Variants in CRCP observed in about 807,000 individuals in gnomAD.
CRCP encodes DNA-directed RNA polymerase III subunit RPC9.
Under a neutral mutation model 18.5 loss-of-function variants are expected in CRCP, and 18 were observed. That is an observed-to-expected ratio of 0.97 (90% CI 0.67 to 1.44). CRCP has a LOEUF of 1.44. Ranked by LOEUF, CRCP falls within the 40% of genes most tolerant of loss-of-function variation. The pLI is 0.00. For synonymous variants in CRCP, 53 were observed against 62.9 expected (o/e 0.84, Z 0.75); for missense variants, 130 against 176.4 (o/e 0.74, Z 1.49).
chr7:66,145,964 G>A (rs976373797), intron 5 of CRCP, among the ~76,000 whole-genome samples: 2 of 152,214 alleles, frequency 1.3e-5, no homozygotes, highest in Admixed American at 6.5e-5. Flanking sequence ...GGCCTCCCAC[G>A]CCGGAAACCT....
At chr7:66,147,869 G>A (rs1307952903) in intron 5 of CRCP, among the ~76,000 whole-genome samples, 2 of 151,938 alleles carry the variant, frequency 1.3e-5, no homozygotes, top group African/African-American at 4.8e-5. Flanking sequence ...AACCAGCCTG[G>A]GCAACATAGT....
chr7:66,147,343 A>G (rs1290290403), intron 5 of CRCP, among the ~76,000 whole-genome samples: 58 of 21,262 alleles, frequency 2.7e-3, no homozygotes, highest in African/African-American at 0.012. Flanking sequence ...CATCTTGGGA[A>G]AAAAAAAAAA....
Position 66,152,397 on chromosome 7 carries a change from G to C in CRCP, c.*40G>C. On this transcript the variant is annotated 3_prime_UTR_variant, in exon 6 of 6. Transcript: ENST00000395326. ...CCCCGGCGTTTCATGAAGTCAGAAG[G>C]CCTGGCAGCCATTTCCTGGACGTTG... The C allele has an allele frequency of 6.2e-7, 1 of 1,608,164 alleles. No individual in the cohort carries two copies. Among genetic ancestry groups the C allele is most frequent in the African/African-American group, 1.3e-5 (1 of 74,888 alleles).
At chr7:66,117,335 A>C (rs1365805743) in intron 1 of CRCP, among the ~76,000 whole-genome samples, 3 of 151,978 alleles carry the variant, frequency 2.0e-5, no homozygotes, top group African/African-American at 7.3e-5. Flanking sequence ...TTGATGTCTA[A>C]GTGTTGAGTG....
intron 3 of CRCP, among the ~76,000 whole-genome samples, chr7:66,133,613 G>A (rs902297949): frequency 3.3e-5 from 5 of 149,788 alleles, no homozygotes; most frequent in Non-Finnish European, 5.9e-5. Flanking sequence ...TATCCATGTA[G>A]ACTCATGGCA....
rs773297110 is a variant in CRCP, at chr7:66,118,403, A to G, written c.8+3433A>G. Among the ~76,000 whole-genome samples, 5 of 152,246 alleles carry G rather than the reference A, an allele frequency of 3.3e-5. 1 individual carries two copies. In the East Asian group the frequency reaches 7.7e-4, roughly 23 times the overall value. On this transcript the variant is annotated intron_variant, in intron 1 of 5. Coordinates refer to ENST00000395326, the MANE Select transcript of CRCP (RefSeq NM_014478.5). The stretch of plus-strand genomic sequence containing the variant: ...TTCCCTCAAATAATTACAAGTTGCA[A>G]TAATAAATGTATGTTTACTTGTTTG...
At chr7:66,141,253 A>G (rs1311945564) in intron 4 of CRCP, among the ~76,000 whole-genome samples, 1 of 152,100 alleles carries the variant, frequency 6.6e-6, no homozygotes, top group Non-Finnish European at 1.5e-5. Context: ...TTATTTTTAA[A>G]TGTACAATTA....
chr7:66,140,252 A>G (rs753175211), intron 4 of CRCP, among the ~76,000 whole-genome samples: 1 of 152,208 alleles, frequency 6.6e-6, no homozygotes, highest in Non-Finnish European at 1.5e-5. Context: ...GAAAAGGGGA[A>G]AAAGCCCCAA....
chr7:66,140,716 G>A (rs1042750642), intron 4 of CRCP, among the ~76,000 whole-genome samples: 1 of 152,180 alleles, frequency 6.6e-6, no homozygotes, highest in East Asian at 1.9e-4. Flanking sequence ...ACTGTAATCT[G>A]TGGAGAGAGA....
chr7:66,145,645 A>G, intron 5 of CRCP, 145 bp downstream of exon 5: 1 of 781,962 alleles, frequency 1.3e-6, no homozygotes. Flanking sequence ...TGCCAGTTTG[A>G]TCCTAGTTAG....
chr7:66,123,519 C>T (rs949117039), intron 1 of CRCP, among the ~76,000 whole-genome samples: 1 of 151,974 alleles, frequency 6.6e-6, no homozygotes, highest in Non-Finnish European at 1.5e-5. Flanking sequence ...GAGGGCAAAG[C>T]GGTCAGATCA....
intron 4 of CRCP, among the ~76,000 whole-genome samples, chr7:66,138,356 T>A (rs1047855411): frequency 2.6e-5 from 4 of 151,776 alleles, no homozygotes; most frequent in Non-Finnish European, 5.9e-5. Flanking sequence ...TTGGGCATCA[T>A]TGTGAGACTC....
chr7:66,130,603 C>T lies in CRCP; in HGVS notation c.46-141C>T, dbSNP rs528304853. On this transcript the variant is annotated intron_variant, in intron 2 of 5. Transcript: ENST00000395326. ...TATGCCTCTGGGACTCATATTTGCT[C>T]AAATCCAAGAGTTGGAAGCTGGGTG... 26 of 512,084 alleles carry T rather than the reference C, an allele frequency of 5.1e-5. No homozygotes were observed. In the South Asian group the frequency reaches 6.0e-4, roughly 12 times the overall value. The allele number at this position is 512,084 out of a possible 1,614,324, so 31.7% of individuals were successfully genotyped here.
In CRCP at chr7:66,152,612, T is replaced by A; in HGVS notation, c.*255T>A. On this transcript the variant is annotated 3_prime_UTR_variant, in exon 6 of 6. Transcript: ENST00000395326. ...CAGTGACCGCGGACCCCTCTGTGCTTGAAAGATTTCCTCCACGGCCTTTGC... is the reference window on the plus strand; with the variant it reads ...CAGTGACCGCGGACCCCTCTGTGCTAGAAAGATTTCCTCCACGGCCTTTGC... 5.8e-5 allele frequency: 25 copies of A among 430,500 alleles called. No individual in the cohort carries two copies. The highest frequency in any genetic ancestry group is 5.8e-4 in the South Asian group (24 of 41,348). The allele number at this position is 430,500 out of a possible 1,614,324, so 26.7% of individuals were successfully genotyped here. A position where few individuals can be genotyped will look rare whatever the true frequency, so the allele number is the denominator to read the frequency against.
chr7:66,124,039 C>T (rs1480363270), intron 1 of CRCP, among the ~76,000 whole-genome samples: 1 of 71,000 alleles, frequency 1.4e-5, no homozygotes, highest in African/African-American at 6.2e-5. Context: ...AGTGAGACTC[C>T]GTCTCAAAAA....
At chr7:66,130,137 G>A (rs189006269) in intron 2 of CRCP, 7 of 235,518 alleles carry the variant, frequency 3.0e-5, no homozygotes, top group Non-Finnish European at 4.5e-5. Flanking sequence ...ATGGAGTCTC[G>A]CTCTGTCACC....
Position 66,130,752 on chromosome 7 carries a change from G to A in CRCP, c.54G>A (p.Gln18=), listed in dbSNP as rs759180557. The A allele has an allele frequency of 6.2e-7, 1 of 1,602,144 alleles. No individual in the cohort carries two copies. Among genetic ancestry groups the A allele is most frequent in the Admixed American group, 1.7e-5 (1 of 59,798 alleles). ...TTTGTATCTCCTCCTAGGTATTTCA[G>A]TTACTAACTGATCTGAAAGAGCAGC... ...SALLSNYEVF[Q]LLTDLKEQRK... Residue 18 remains glutamine, a synonymous_variant, in exon 3 of 6, where the codon CAG becomes CAA. Transcript: ENST00000395326.
At chr7:66,145,630 G>C (rs568226031) in intron 5 of CRCP, 130 bp downstream of exon 5, 20 of 849,732 alleles carry the variant, frequency 2.4e-5, no homozygotes, top group Admixed American at 1.7e-4. Flanking sequence ...AGGAAAAAGA[G>C]ACCTTGCCAG....
rs1785533783 is a variant in CRCP, at chr7:66,127,750, AT to A, written c.45+12del. 6.2e-7 allele frequency: 1 copy of A among 1,613,650 alleles called. No homozygotes were observed. The highest frequency in any genetic ancestry group is 1.3e-5 in the African/African-American group (1 of 74,872). The stretch of plus-strand genomic sequence containing the variant: ...TCTCAGTAACTACGAGGTAAATTGG[AT>A]TGTTACATTTTCCTCTCTGATAGTT... On this transcript the variant is annotated intron_variant, in intron 2 of 5. Transcript: ENST00000395326.
Sources: gnomAD v4.1 joint callset for allele counts (sites outside exome capture counted in the v4.1 genomes callset) on GRCh38, gnomAD v4.1.1 for gene constraint, MANE v1.5 for transcripts, NCBI Gene and HGNC (gene_info 2026-07-23, HGNC 2026-07-21) for gene names.